COL5A2: variants seen among roughly 807,000 people sequenced by gnomAD.
COL5A2 encodes collagen alpha-2(V) chain.
Under a neutral mutation model 208.2 loss-of-function variants are expected in COL5A2, and 23 were observed. The observed-to-expected ratio is 0.11, with a 90% CI of 0.08 to 0.16. The LOEUF (loss-of-function observed/expected upper bound fraction) is 0.16. COL5A2 is among the 10% of genes least tolerant of loss of function. The pLI is 1.00. For missense variants in COL5A2, 1,590 were observed against 1,956.4 expected, an observed-to-expected ratio of 0.81 and a Z score of 3.53; for synonymous variants, 625 against 628.5, an observed-to-expected ratio of 0.99 and a Z score of 0.08.
At chr2:189,056,548 A>C (rs1172831402) in intron 35 of COL5A2, among the ~76,000 whole-genome samples, 1 of 152,124 alleles carries the variant, frequency 6.6e-6, no homozygotes, top group Non-Finnish European at 1.5e-5. Context: ...ACTGTGCAGT[A>C]AATTTCTCAC....
the COL5A2 span, among the ~76,000 whole-genome samples, chr2:189,358,930 A>G: frequency 1.3e-5 from 2 of 151,930 alleles, no homozygotes; most frequent in African/African-American, 4.8e-5. Context: ...TGTAACCTGC[A>G]ATTTTGCTAA....
chr2:189,098,852 C>A, intron 4 of COL5A2, 93 bp from the exon 5 acceptor site: 1 of 906,322 alleles, frequency 1.1e-6, no homozygotes. Flanking sequence ...ACAAAAACCA[C>A]AGTAATTTTT....
At chr2:189,223,531 G>A (rs1449157848) in intron 1 of COL5A2, among the ~76,000 whole-genome samples, 1 of 152,126 alleles carries the variant, frequency 6.6e-6, no homozygotes, top group Non-Finnish European at 1.5e-5. Context: ...AATATTTATA[G>A]CAGAACCATT....
intron 6 of COL5A2, among the ~76,000 whole-genome samples, chr2:189,093,220 T>C (rs1559100509): frequency 6.6e-6 from 1 of 152,198 alleles, no homozygotes; most frequent in Admixed American, 6.5e-5. Context: ...TCCTCTAACC[T>C]CATCATTCCC....
intron 3 of COL5A2, among the ~76,000 whole-genome samples, chr2:189,103,328 A>C (rs1391142020): frequency 6.6e-6 from 1 of 152,098 alleles, no homozygotes; most frequent in East Asian, 1.9e-4. Flanking sequence ...TCTGAATCAA[A>C]ATGTGTAAAA....
At chr2:189,179,795 G>A, upstream of COL5A2, 1 of 812,812 alleles carries the variant, frequency 1.2e-6, no homozygotes. Flanking sequence ...GCTTTAAATA[G>A]GAAGAATGCT....
upstream of COL5A2, among the ~76,000 whole-genome samples, chr2:189,229,445 A>C (rs1035368802): frequency 6.6e-6 from 1 of 150,500 alleles, no homozygotes; most frequent in African/African-American, 2.4e-5. Context: ...CACACACAAA[A>C]AAAAAACCTA....
the COL5A2 span, among the ~76,000 whole-genome samples, chr2:189,413,815 T>A: frequency 9.4e-6 from 1 of 106,414 alleles, no homozygotes. Context: ...TTTTTGAGAC[T>A]CAGTCTCGCT....
At chr2:189,088,663 G>C in intron 8 of COL5A2, 32 bp downstream of exon 8, 2 of 1,517,374 alleles carry the variant, frequency 1.3e-6, no homozygotes, top group Non-Finnish European at 1.8e-6. Flanking sequence ...TTTCACTGAA[G>C]TACTTCAATG....
chr2:189,140,515 T>G (rs953038482), intron 1 of COL5A2, among the ~76,000 whole-genome samples: 4 of 152,150 alleles, frequency 2.6e-5, no homozygotes, highest in Admixed American at 6.5e-5. Flanking sequence ...ACAAAGCTTA[T>G]AATAAAAATA....
chr2:189,072,918 G>C (rs191904297), intron 17 of COL5A2, among the ~76,000 whole-genome samples: 7 of 152,154 alleles, frequency 4.6e-5, no homozygotes, highest in Admixed American at 4.6e-4. Flanking sequence ...AAAGAAGTGA[G>C]TATAAAAGGA....
chr2:189,255,400 T>C, the COL5A2 span, among the ~76,000 whole-genome samples: 3 of 152,194 alleles, frequency 2.0e-5, no homozygotes, highest in Non-Finnish European at 4.4e-5. Context: ...CTTTTCTCCA[T>C]CCAAATGGCA....
At chr2:189,102,045 AAG>A (rs1407858048) in intron 3 of COL5A2, among the ~76,000 whole-genome samples, 2 of 152,108 alleles carry the variant, frequency 1.3e-5, no homozygotes, top group African/African-American at 2.4e-5. Context: ...AAAATGCTGA[AAG>A]AATTTGAATT....
At chr2:189,214,478 T>C (rs1040171870) in intron 1 of COL5A2, among the ~76,000 whole-genome samples, 17 of 152,240 alleles carry the variant, frequency 1.1e-4, no homozygotes, top group African/African-American at 4.1e-4. Context: ...CATACATACA[T>C]ATAGGGAAAA....
the COL5A2 span, among the ~76,000 whole-genome samples, chr2:189,414,442 A>T: frequency 6.6e-6 from 1 of 151,892 alleles, no homozygotes; most frequent in South Asian, 2.1e-4. Flanking sequence ...GCTTTCTGGG[A>T]CCCTAAAGAC....
chr2:189,227,229 A>T (rs916620133), upstream of COL5A2, among the ~76,000 whole-genome samples: 1 of 152,130 alleles, frequency 6.6e-6, no homozygotes, highest in Non-Finnish European at 1.5e-5. Flanking sequence ...GAACAAAATA[A>T]ATCTCCAGAA....
the COL5A2 span, among the ~76,000 whole-genome samples, chr2:189,254,638 G>A: frequency 2.0e-5 from 3 of 152,144 alleles, no homozygotes; most frequent in Admixed American, 6.5e-5. Context: ...CAGCACAACC[G>A]TCCTGACTGC....
chr2:189,267,780 A>T, the COL5A2 span, among the ~76,000 whole-genome samples: 1 of 152,184 alleles, frequency 6.6e-6, no homozygotes, highest in Non-Finnish European at 1.5e-5. Context: ...TTTTAGGGTC[A>T]AACATAAATG....
intron 17 of COL5A2, among the ~76,000 whole-genome samples, chr2:189,072,907 A>C (rs998028442): frequency 2.6e-5 from 4 of 152,166 alleles, no homozygotes; most frequent in Admixed American, 2.6e-4. Context: ...GACTAAATTT[A>C]AAAGAAGTGA....
Sources: gnomAD v4.1 joint callset for allele counts (sites outside exome capture counted in the v4.1 genomes callset) on GRCh38, gnomAD v4.1.1 for gene constraint, MANE v1.5 for transcripts, NCBI Gene and HGNC (gene_info 2026-07-23, HGNC 2026-07-21) for gene names.